Variants in XKR9 observed in about 807,000 individuals in gnomAD.
XKR9 encodes XK related 9.
XKR9 carries 32 observed loss-of-function variants against 32.0 expected under a neutral mutation model. That is an observed-to-expected ratio of 1.00 (90% confidence interval 0.76 to 1.34). XKR9 has a LOEUF of 1.34. Among genes scored for constraint, XKR9 ranks in the 40% most tolerant of loss-of-function variants. The pLI is 0.00. For missense variants in XKR9, 546 were observed against 429.7 expected, an observed-to-expected ratio of 1.27 and a Z score of -2.39; for synonymous variants, 168 against 143.4, an observed-to-expected ratio of 1.17 and a Z score of -1.22.
At chr8:70,993,601 TCTTCCTTC>T in the XKR9 span, among the ~76,000 whole-genome samples, 8,780 of 104,546 alleles carry the variant, frequency 0.084, 358 homozygotes, top group South Asian at 0.11. Flanking sequence ...TCATAGGACA[TCTTCCTTC>T]CTTCCTTCCT....
chr8:71,014,706 C>G, the XKR9 span, among the ~76,000 whole-genome samples: 1 of 152,148 alleles, frequency 6.6e-6, no homozygotes, highest in African/African-American at 2.4e-5. Flanking sequence ...TGGGGGCCAT[C>G]ATTCAATCCA....
chr8:71,045,507 G>C, the XKR9 span, among the ~76,000 whole-genome samples: 1 of 152,220 alleles, frequency 6.6e-6, no homozygotes, highest in Admixed American at 6.5e-5. Flanking sequence ...ACAAGGAAGA[G>C]AGCCTTTTCA....
At chr8:71,050,428 T>C in the XKR9 span, among the ~76,000 whole-genome samples, 1 of 151,882 alleles carries the variant, frequency 6.6e-6, no homozygotes, top group Non-Finnish European at 1.5e-5. Flanking sequence ...ATGAGGAAGA[T>C]TATCCTGGTA....
the XKR9 span, among the ~76,000 whole-genome samples, chr8:70,948,952 T>C: frequency 6.6e-6 from 1 of 152,108 alleles, no homozygotes; most frequent in Non-Finnish European, 1.5e-5. Flanking sequence ...AATAGGAAAA[T>C]CCATGGGCTT....
the XKR9 span, among the ~76,000 whole-genome samples, chr8:70,998,440 C>T: frequency 6.6e-6 from 1 of 152,168 alleles, no homozygotes; most frequent in Non-Finnish European, 1.5e-5. Context: ...TGGTTTGCCG[C>T]TCTCTCCCAC....
At chr8:70,890,340 C>T in the XKR9 span, among the ~76,000 whole-genome samples, 1 of 151,856 alleles carries the variant, frequency 6.6e-6, no homozygotes, top group Non-Finnish European at 1.5e-5. Context: ...ATATCCAATA[C>T]TATATTGAAT....
At chr8:70,930,099 G>T in the XKR9 span, among the ~76,000 whole-genome samples, 1 of 152,164 alleles carries the variant, frequency 6.6e-6, no homozygotes, top group Non-Finnish European at 1.5e-5. Context: ...TAATGTCATT[G>T]CTTTGGGTTT....
chr8:70,886,576 G>T, the XKR9 span, among the ~76,000 whole-genome samples: 1 of 152,020 alleles, frequency 6.6e-6, no homozygotes, highest in African/African-American at 2.4e-5. Flanking sequence ...TTTAATAATT[G>T]TCATTCTAAC....
At chr8:71,019,140 C>CTT in the XKR9 span, among the ~76,000 whole-genome samples, 3 of 148,616 alleles carry the variant, frequency 2.0e-5, no homozygotes, top group South Asian at 4.3e-4. Flanking sequence ...TTTCCTTCTC[C>CTT]TTTTTTTTTT....
intron 2 of XKR9, among the ~76,000 whole-genome samples, chr8:70,749,859 T>C (rs1376050596): frequency 6.6e-6 from 1 of 152,240 alleles, no homozygotes; most frequent in Non-Finnish European, 1.5e-5. Flanking sequence ...TATAACATCT[T>C]AGTTTTTCAT....
At chr8:70,960,035 G>T in the XKR9 span, among the ~76,000 whole-genome samples, 1 of 152,158 alleles carries the variant, frequency 6.6e-6, no homozygotes, top group Non-Finnish European at 1.5e-5. Context: ...TTTGAGACCA[G>T]CCTGGCCAAC....
At chr8:70,905,383 T>C in the XKR9 span, among the ~76,000 whole-genome samples, 1 of 152,220 alleles carries the variant, frequency 6.6e-6, no homozygotes, top group Non-Finnish European at 1.5e-5. Flanking sequence ...TCTTAATCAC[T>C]GATACCCTTC....
chr8:70,808,685 A>G, the XKR9 span, among the ~76,000 whole-genome samples: 1 of 152,228 alleles, frequency 6.6e-6, no homozygotes, highest in Admixed American at 6.5e-5. Context: ...ACACCCACGG[A>G]GCCTTGCTCA....
the XKR9 span, among the ~76,000 whole-genome samples, chr8:70,811,698 G>A: frequency 6.6e-6 from 1 of 152,142 alleles, no homozygotes; most frequent in Non-Finnish European, 1.5e-5. Context: ...TAGAAGAAAT[G>A]GATAAATTCC....
the XKR9 span, among the ~76,000 whole-genome samples, chr8:70,929,519 A>C: frequency 6.6e-6 from 1 of 152,216 alleles, no homozygotes; most frequent in Non-Finnish European, 1.5e-5. Flanking sequence ...ATCAACGTGT[A>C]GGTCAGGCTG....
the XKR9 span, among the ~76,000 whole-genome samples, chr8:71,007,119 G>A: frequency 1.3e-5 from 2 of 152,098 alleles, no homozygotes; most frequent in Non-Finnish European, 2.9e-5. Context: ...CTCAATGTCC[G>A]CGATTATACC....
chr8:70,891,258 T>A, the XKR9 span, among the ~76,000 whole-genome samples: 1 of 151,950 alleles, frequency 6.6e-6, no homozygotes, highest in African/African-American at 2.4e-5. Context: ...TTTGTTTCAT[T>A]GATCTTTTGT....
At chr8:70,675,475 A>G (rs368155050) in intron 2 of XKR9, among the ~76,000 whole-genome samples, 2 of 152,206 alleles carry the variant, frequency 1.3e-5, no homozygotes, top group African/African-American at 4.8e-5. Flanking sequence ...TCACCTGGCC[A>G]GGCTGCACAT....
At chr8:70,811,942 G>A in the XKR9 span, among the ~76,000 whole-genome samples, 1 of 152,054 alleles carries the variant, frequency 6.6e-6, no homozygotes, top group African/African-American at 2.4e-5. Context: ...CTCATTTTAT[G>A]AGGCCAGCAT....
Sources: allele counts gnomAD v4.1 joint callset (sites outside exome capture counted in the v4.1 genomes callset), GRCh38; gene constraint gnomAD v4.1.1; transcripts MANE v1.5; gene names NCBI Gene and HGNC (gene_info 2026-07-23, HGNC 2026-07-21).